Variants in PPWD1 observed in about 807,000 individuals in gnomAD.
PPWD1 encodes the protein peptidylprolyl isomerase domain and WD repeat containing 1.
In PPWD1, 43 loss-of-function variants were observed where a neutral mutation model predicts 68.8. The observed-to-expected ratio is 0.62, with a 90% CI of 0.49 to 0.81. PPWD1 has a LOEUF of 0.81. Ranked by LOEUF, PPWD1 falls within the 30% of genes least tolerant of loss-of-function variation. The probability of loss-of-function intolerance (pLI) is 0.00; values close to 1 mark genes in which losing one functional copy is unlikely to be tolerated. For missense variants in PPWD1, 672 were observed against 804.8 expected, an observed-to-expected ratio of 0.83 and a Z score of 2.00; for synonymous variants, 232 against 258.7, an observed-to-expected ratio of 0.90 and a Z score of 0.99.
intron 7 of PPWD1, among the ~76,000 whole-genome samples, chr5:65,581,602 A>G (rs1581163804): frequency 6.6e-6 from 1 of 152,230 alleles, no homozygotes; most frequent in Non-Finnish European, 1.5e-5. Context: ...AAAACAGGCA[A>G]AAAAGGATAT....
chr5:65,563,589 GA>G, intron 1 of PPWD1, 83 bp downstream of exon 1: 1 of 1,482,386 alleles, frequency 6.7e-7, no homozygotes, highest in Non-Finnish European at 9.0e-7. Flanking sequence ...GAAGAGGGAT[GA>G]TGTGTGGAGT....
chr5:65,572,216 C>T lies in PPWD1; in HGVS notation c.899C>T (p.Ser300Phe). 6.2e-7 allele frequency: 1 copy of T among 1,612,898 alleles called. No homozygotes were observed. The highest frequency in any genetic ancestry group is 8.5e-7 in the Non-Finnish European group (1 of 1,178,924). The change falls in exon 5 of 11, where the codon TCT (serine) becomes TTT (phenylalanine). Residue 300 changes from serine to phenylalanine, a missense_variant. Physicochemically the swap from Ser to Phe is radical, Grantham distance 155. Around this residue, in one of 2 missense-constraint regions of PPWD1, gnomAD observed 484 missense variants for 646.2 expected, o/e 0.75. Transcript: ENST00000261308. Reference protein sequence around the residue: ...PDGKKIATIGSDRKVRIFRFV... With the variant: ...PDGKKIATIGFDRKVRIFRFV... Reference sequence around the variant, plus strand: ...GGGAAGAAAATAGCTACTATTGGTTCTGATAGAAAAGTTAGAATTTTCAGA... The same window carrying T: ...GGGAAGAAAATAGCTACTATTGGTTTTGATAGAAAAGTTAGAATTTTCAGA...
Position 65,578,795 on chromosome 5 carries a change from T to TATATAC in PPWD1, c.1161-628_1161-627insTATACA, listed in dbSNP as rs565407332. On this transcript the variant is annotated intron_variant, in intron 6 of 10. Transcript: ENST00000261308. The stretch of plus-strand genomic sequence containing the variant: ...ATACATATATATGTGTATATATATA[T>TATATAC]ACATATATATGTGTATATATATACT... Among the ~76,000 whole-genome samples the TATATAC allele has an allele frequency of 2.5e-3, 235 of 95,280 alleles. 1 individual carries two copies. Among genetic ancestry groups the TATATAC allele is most frequent in the African/African-American group, 9.2e-3 (221 of 23,996 alleles). The allele number at this position is 95,280 out of a possible 152,430, so 62.5% of individuals were successfully genotyped here.
intron 1 of PPWD1, among the ~76,000 whole-genome samples, chr5:65,564,763 C>T (rs554469161): frequency 1.3e-5 from 2 of 152,186 alleles, no homozygotes; most frequent in Non-Finnish European, 2.9e-5. Flanking sequence ...TAAAATCACT[C>T]GAGAATCGGT....
intron 7 of PPWD1, among the ~76,000 whole-genome samples, chr5:65,582,073 G>C (rs150410430): frequency 6.6e-5 from 10 of 152,196 alleles, no homozygotes; most frequent in African/African-American, 2.2e-4. Flanking sequence ...TGGAGAATAG[G>C]ATGTTAAGGT....
intron 5 of PPWD1, among the ~76,000 whole-genome samples, chr5:65,574,543 A>C (rs917388228): frequency 4.2e-5 from 6 of 144,004 alleles, no homozygotes; most frequent in African/African-American, 1.6e-4. Flanking sequence ...GGCTCACTGC[A>C]AGCTCCGCTT....
At chr5:65,579,967 T>A (rs1440974358) in intron 7 of PPWD1, among the ~76,000 whole-genome samples, 2 of 152,232 alleles carry the variant, frequency 1.3e-5, no homozygotes, top group African/African-American at 4.8e-5. Context: ...GAATATAATT[T>A]ATCTTCCCCA....
intron 7 of PPWD1, 80 bp from the exon 8 acceptor site, chr5:65,582,958 T>C: frequency 7.0e-7 from 1 of 1,434,388 alleles, no homozygotes; most frequent in Non-Finnish European, 9.3e-7. Context: ...AAGTACTTCA[T>C]TAGAAATTCT....
At chr5:65,569,822 GCA>G (rs1268142842) in intron 3 of PPWD1, 54 bp from the exon 4 acceptor site, 7 of 1,561,048 alleles carry the variant, frequency 4.5e-6, no homozygotes, top group Admixed American at 1.8e-5. Context: ...TTTGAATCAT[GCA>G]CACTTATTTT....
chr5:65,578,829 A>T (rs562441873), intron 6 of PPWD1, among the ~76,000 whole-genome samples: 4 of 142,788 alleles, frequency 2.8e-5, no homozygotes, highest in African/African-American at 1.1e-4. Flanking sequence ...CTTTTTTTTA[A>T]AAAAAGAGTT....
At chr5:65,564,318 C>CTTTTTTTTTTTTTTT (rs550753414) in intron 1 of PPWD1, among the ~76,000 whole-genome samples, 1 of 117,206 alleles carries the variant, frequency 8.5e-6, no homozygotes, top group Non-Finnish European at 1.7e-5. Context: ...TTTTCTCTCT[C>CTTTTTTTTTTTTTTT]TTTTTTTTTT....
chr5:65,574,448 CTTTTTTTTT>C (rs573705705), intron 5 of PPWD1, among the ~76,000 whole-genome samples: 11 of 91,974 alleles, frequency 1.2e-4, no homozygotes, highest in South Asian at 4.7e-4. Context: ...ACACAAATCT[CTTTTTTTTT>C]TTTTTTTTTT....
intron 2 of PPWD1, chr5:65,568,833 A>G (rs1752883573): frequency 2.5e-6 from 1 of 401,092 alleles, no homozygotes; most frequent in Non-Finnish European, 5.0e-6. Flanking sequence ...TCAAGTTATC[A>G]GTGTGGTAAA....
Position 65,586,175 on chromosome 5 carries a change from A to T in PPWD1, c.1791A>T (p.Val597=). ...GATCCCAGTTTTTCATAACGGTAGT[A>T]CCAACGGTAAGTACAGTATCATTGT... ...TNGSQFFITV[V]PTPWLDNKHT... The change falls in exon 10 of 11, where the codon GTA becomes GTT. Residue 597 remains valine, a synonymous_variant. Coordinates refer to ENST00000261308, the MANE Select transcript of PPWD1 (RefSeq NM_015342.4). 1.9e-6 allele frequency: 3 copies of T among 1,612,070 alleles called. No individual in the cohort carries two copies. Among genetic ancestry groups the T allele is most frequent in the Non-Finnish European group, 2.5e-6 (3 of 1,178,746 alleles).
At chr5:65,567,960 C>A (rs1752850709) in intron 2 of PPWD1, 2 of 169,360 alleles carry the variant, frequency 1.2e-5, no homozygotes, top group Admixed American at 6.1e-5. Flanking sequence ...GCTAACATAC[C>A]CTAGGAATAG....
Position 65,586,050 on chromosome 5 carries a change from A to T in PPWD1, c.1666A>T (p.Ser556Cys), listed in dbSNP as rs1378624426. 1 of 1,613,600 alleles carries T rather than the reference A, an allele frequency of 6.2e-7. No homozygotes were observed. Among genetic ancestry groups the T allele is most frequent in the Non-Finnish European group, 8.5e-7 (1 of 1,179,700 alleles). Reference sequence around the variant, plus strand: ...AACAGGTACTGGTATGGGAGGAGAAAGCATATGGGGAGGAGAATTTGAAGA... The same window carrying T: ...AACAGGTACTGGTATGGGAGGAGAATGCATATGGGGAGGAGAATTTGAAGA... ...DPTGTGMGGE[S>C]IWGGEFEDEF... Residue 556 changes from serine (S) to cysteine (C), a missense_variant, in exon 10 of 11, where the codon AGC becomes TGC. By Grantham distance (112) the Ser-to-Cys change is moderately radical. This residue lies in a region of PPWD1 where 484 missense variants were observed against 646.2 expected (regional missense o/e 0.75). Transcript: ENST00000261308.
Position 65,577,069 on chromosome 5 carries a change from G to A in PPWD1, c.1160G>A (p.Arg387Gln), listed in dbSNP as rs774237866. ...GIKVINVETN[R>Q]CVRILGKQEN... ...AAAGTTATAAATGTAGAGACAAACC[G>A]GTAAGCTTTAATATGAGGTATGTTT... Residue 387 changes from arginine to glutamine, a missense_variant and splice_region_variant, in exon 6 of 11, where the codon CGG (arginine) becomes CAG (glutamine). By Grantham distance (43) the Arg-to-Gln change is conservative. Transcript: ENST00000261308. 7.5e-6 allele frequency: 12 copies of A among 1,608,310 alleles called. No individual in the cohort carries two copies. Among genetic ancestry groups the A allele is most frequent in the East Asian group, 6.7e-5 (3 of 44,810 alleles).
intron 1 of PPWD1, chr5:65,563,898 T>C: frequency 7.0e-7 from 1 of 1,423,142 alleles, no homozygotes; most frequent in Non-Finnish European, 9.6e-7. Flanking sequence ...TGTTAATGTA[T>C]TAATGTGTTG....
At chr5:65,583,778 A>G (rs564528958) in intron 8 of PPWD1, among the ~76,000 whole-genome samples, 2 of 152,116 alleles carry the variant, frequency 1.3e-5, no homozygotes, top group African/African-American at 4.8e-5. Context: ...GCAAGACTCT[A>G]TCTCTTAAAA....
Sources: allele counts gnomAD v4.1 joint callset (sites outside exome capture counted in the v4.1 genomes callset), GRCh38; gene constraint gnomAD v4.1.1; regional missense constraint gnomAD v4.1.1; transcripts MANE v1.5; gene names NCBI Gene and HGNC (gene_info 2026-07-23, HGNC 2026-07-21).